LYST: variants seen among roughly 807,000 people sequenced by gnomAD.
The protein encoded by LYST is lysosomal trafficking regulator, also known as lysosomal-trafficking regulator.
In LYST, 192 loss-of-function variants were observed where a neutral mutation model predicts 413.6. The observed-to-expected ratio is 0.46, with a 90% CI of 0.41 to 0.52. The LOEUF (loss-of-function observed/expected upper bound fraction) is 0.52. LYST is among the 20% of genes least tolerant of loss of function. The pLI, the probability that LYST is intolerant of heterozygous loss-of-function variation, is 0.00. For synonymous variants in LYST, 1,525 were observed against 1,567.3 expected, an observed-to-expected ratio of 0.97 and a Z score of 0.64; for missense variants, 3,815 against 4,499.9, an observed-to-expected ratio of 0.85 and a Z score of 4.35.
At chr1:235,830,571 C>T (rs1201279714) in intron 2 of LYST, 147 bp from the exon 3 acceptor site, 1 of 677,084 alleles carries the variant, frequency 1.5e-6, no homozygotes, top group Non-Finnish European at 2.5e-6. Context: ...TATTTTCAGG[C>T]ATAGTTCTGA....
chr1:235,801,967 G>A (rs1558266573), intron 8 of LYST, among the ~76,000 whole-genome samples: 1 of 151,974 alleles, frequency 6.6e-6, no homozygotes, highest in Admixed American at 6.6e-5. Context: ...AGGCCGAGGC[G>A]GGTGGATCAC....
chr1:235,667,951 G>A (rs777823544), intron 50 of LYST, among the ~76,000 whole-genome samples: 3 of 151,956 alleles, frequency 2.0e-5, no homozygotes, highest in Non-Finnish European at 2.9e-5. Flanking sequence ...CATAGCCACC[G>A]TGCCTGGCCT....
At chr1:235,678,232 A>G (rs917646676) in intron 48 of LYST, among the ~76,000 whole-genome samples, 6 of 152,192 alleles carry the variant, frequency 3.9e-5, no homozygotes, top group African/African-American at 1.2e-4. Context: ...AGGCAGGCAG[A>G]TCATGAGGTC....
chr1:235,748,257 C>T (rs911506002), intron 28 of LYST, among the ~76,000 whole-genome samples: 7 of 152,084 alleles, frequency 4.6e-5, no homozygotes, highest in African/African-American at 1.7e-4. Context: ...AAATAATATC[C>T]TAATGCTGAC....
intron 47 of LYST, among the ~76,000 whole-genome samples, chr1:235,690,141 A>G (rs1007846776): frequency 2.0e-5 from 3 of 152,292 alleles, no homozygotes; most frequent in Admixed American, 2.0e-4. Context: ...TGATGATTTC[A>G]TTTTTCTTCA....
intron 41 of LYST, 78 bp downstream of exon 41, chr1:235,716,634 A>T: frequency 2.3e-6 from 2 of 888,114 alleles, no homozygotes; most frequent in Non-Finnish European, 1.9e-6. Context: ...GTATAAATTT[A>T]AAATTAGGTA....
At chr1:235,872,495 C>T (rs1001002824) in intron 1 of LYST, among the ~76,000 whole-genome samples, 6 of 152,036 alleles carry the variant, frequency 3.9e-5, no homozygotes, top group South Asian at 2.1e-4. Flanking sequence ...CTGTCTGTTC[C>T]GATTCTTCTT....
intron 41 of LYST, 55 bp downstream of exon 41, chr1:235,716,657 G>T: frequency 8.5e-7 from 1 of 1,170,004 alleles, no homozygotes. Flanking sequence ...ACACAAGTCT[G>T]TAAAACAAAA....
chr1:235,721,113 C>G (rs913240258), intron 39 of LYST, among the ~76,000 whole-genome samples: 1 of 152,018 alleles, frequency 6.6e-6, no homozygotes, highest in Non-Finnish European at 1.5e-5. Context: ...CTATGCTTTA[C>G]TGCTGCAGAA....
At chr1:235,728,243 C>T (rs377766464) in intron 37 of LYST, 112 bp from the exon 38 acceptor site, 1 of 771,060 alleles carries the variant, frequency 1.3e-6, no homozygotes. Flanking sequence ...CTCACTACCT[C>T]GACACAGTTC....
chr1:235,742,622 G>A (rs900858434), intron 30 of LYST, among the ~76,000 whole-genome samples: 21 of 149,336 alleles, frequency 1.4e-4, no homozygotes, highest in African/African-American at 4.7e-4. Flanking sequence ...CATGGACAAC[G>A]AAGCTAAAGT....
intron 10 of LYST, among the ~76,000 whole-genome samples, chr1:235,794,762 A>G (rs1290253418): frequency 6.6e-6 from 1 of 152,220 alleles, no homozygotes; most frequent in Non-Finnish European, 1.5e-5. Flanking sequence ...ATAAAATAGC[A>G]TGGACTTTAT....
At chr1:235,878,286 G>T (rs145124875) in intron 1 of LYST, among the ~76,000 whole-genome samples, 3 of 152,156 alleles carry the variant, frequency 2.0e-5, no homozygotes, top group Non-Finnish European at 4.4e-5. Flanking sequence ...TGAGTGATGA[G>T]GGAGTGGCTT....
chr1:235,711,681 A>G (rs1662412602), intron 43 of LYST, among the ~76,000 whole-genome samples: 1 of 152,144 alleles, frequency 6.6e-6, no homozygotes, highest in Non-Finnish European at 1.5e-5. Flanking sequence ...TTCCTCATAA[A>G]ATAATTGAGA....
At chr1:235,782,180 C>A (rs1558236657) in intron 14 of LYST, 93 bp from the exon 15 acceptor site, 179 of 821,172 alleles carry the variant, frequency 2.2e-4, no homozygotes, top group Non-Finnish European at 3.0e-4. Context: ...ATGGGGAATT[C>A]TTTTTTTTTT....
chr1:235,763,370 G>A (rs1297862722), intron 21 of LYST, among the ~76,000 whole-genome samples: 1 of 151,904 alleles, frequency 6.6e-6, no homozygotes, highest in Non-Finnish European at 1.5e-5. Flanking sequence ...TTGTTCTTTG[G>A]GAAGTTCCCA....
chr1:235,796,405 A>C (rs12089846), intron 10 of LYST, among the ~76,000 whole-genome samples: 47,533 of 152,044 alleles, frequency 0.31, 8,369 homozygotes, highest in African/African-American at 0.47. Context: ...CATAAAAAAA[A>C]CCTCTTACTA....
intron 47 of LYST, among the ~76,000 whole-genome samples, chr1:235,688,111 G>A (rs1414665211): frequency 6.6e-6 from 1 of 151,978 alleles, no homozygotes; most frequent in Non-Finnish European, 1.5e-5. Flanking sequence ...CTTTCTTGGA[G>A]GTCTTCCAAA....
intron 1 of LYST, among the ~76,000 whole-genome samples, chr1:235,874,768 A>G (rs1457832465): frequency 6.6e-6 from 1 of 152,170 alleles, no homozygotes; most frequent in African/African-American, 2.4e-5. Flanking sequence ...GACAATAAAG[A>G]GTTGGAAATT....
Sources: gnomAD v4.1 joint callset for allele counts (sites outside exome capture counted in the v4.1 genomes callset) on GRCh38, gnomAD v4.1.1 for gene constraint, MANE v1.5 for transcripts, NCBI Gene and HGNC (gene_info 2026-07-23, HGNC 2026-07-21) for gene names.